Variants in MDGA2 observed in about 807,000 individuals in gnomAD.
MDGA2 encodes the protein MAM domain-containing glycosylphosphatidylinositol anchor protein 2.
In MDGA2, 40 loss-of-function variants were observed where a neutral mutation model predicts 117.8. That is an observed-to-expected ratio of 0.34 (90% CI 0.26 to 0.44). MDGA2 has a LOEUF of 0.44. MDGA2 is among the 20% of genes least tolerant of loss of function. The pLI is 1.00. For synonymous variants in MDGA2, 452 were observed against 439.0 expected, an observed-to-expected ratio of 1.03 and a Z score of -0.37; for missense variants, 1,123 against 1,250.6, an observed-to-expected ratio of 0.90 and a Z score of 1.54.
At chr14:47,284,522 A>G (rs1209807551) in intron 2 of MDGA2, among the ~76,000 whole-genome samples, 1 of 152,126 alleles carries the variant, frequency 6.6e-6, no homozygotes, top group African/African-American at 2.4e-5. Context: ...ACCCCAGCCG[A>G]AAGTTTTTGC....
At chr14:47,105,143 C>T (rs1023838195) in intron 5 of MDGA2, among the ~76,000 whole-genome samples, 34 of 152,132 alleles carry the variant, frequency 2.2e-4, no homozygotes, top group African/African-American at 8.0e-4. Flanking sequence ...CGGCAAGTCC[C>T]GCTTTCCTGG....
intron 10 of MDGA2, among the ~76,000 whole-genome samples, chr14:46,913,300 A>C (rs1883775439): frequency 6.6e-6 from 1 of 152,136 alleles, no homozygotes; most frequent in South Asian, 2.1e-4. Context: ...TTATAAGATT[A>C]ATCTATGCAA....
chr14:47,340,494 A>G lies in MDGA2; in HGVS notation c.281-38944T>C, dbSNP rs78814492. On this transcript the variant is annotated intron_variant, in intron 1 of 16. Coordinates refer to ENST00000399232, the MANE Select transcript of MDGA2 (RefSeq NM_001113498.3). Reference sequence around the variant, plus strand: ...ATAACGAGTGCCATCTAGTTATCCTACTCTGGAGAATCTATCTCAATCACA... The same window carrying G: ...ATAACGAGTGCCATCTAGTTATCCTGCTCTGGAGAATCTATCTCAATCACA... Among the ~76,000 whole-genome samples, 2,022 of 152,234 alleles carry G rather than the reference A, an allele frequency of 0.013. 58 individuals are homozygous for G. In the East Asian group the frequency reaches 0.14, roughly 10 times the overall value.
intron 1 of MDGA2, among the ~76,000 whole-genome samples, chr14:47,577,371 T>C (rs1255871849): frequency 1.3e-5 from 2 of 152,096 alleles, no homozygotes; most frequent in African/African-American, 2.4e-5. Context: ...ATTCAGGACA[T>C]AGGCACGGGC....
At chr14:47,146,330 G>T (rs1882944362) in intron 3 of MDGA2, among the ~76,000 whole-genome samples, 2 of 151,932 alleles carry the variant, frequency 1.3e-5, no homozygotes, top group South Asian at 4.2e-4. Context: ...TACCTCAAAG[G>T]CCTCTAATTT....
At chr14:47,243,484 G>A (rs574287431) in intron 2 of MDGA2, among the ~76,000 whole-genome samples, 107 of 151,642 alleles carry the variant, frequency 7.1e-4, no homozygotes, top group African/African-American at 2.2e-3. Context: ...TTGGGTCCAC[G>A]CTGCTTTTAT....
intron 7 of MDGA2, among the ~76,000 whole-genome samples, chr14:47,046,785 A>G (rs1889282094): frequency 6.6e-6 from 1 of 152,086 alleles, no homozygotes. Context: ...AAAGCCAACT[A>G]CGATTCCCAA....
intron 6 of MDGA2, among the ~76,000 whole-genome samples, chr14:47,087,320 G>A (rs1176133833): frequency 6.6e-6 from 1 of 151,702 alleles, no homozygotes; most frequent in Non-Finnish European, 1.5e-5. Context: ...TTCGAGACCA[G>A]CCTGGCTAAC....
At chr14:47,638,627 G>C (rs1897365842) in intron 1 of MDGA2, among the ~76,000 whole-genome samples, 1 of 152,080 alleles carries the variant, frequency 6.6e-6, no homozygotes, top group Non-Finnish European at 1.5e-5. Flanking sequence ...ACTCAAAACT[G>C]TTAAGCCTCT....
chr14:47,476,683 A>G (rs989719668), intron 1 of MDGA2, among the ~76,000 whole-genome samples: 1 of 152,148 alleles, frequency 6.6e-6, no homozygotes, highest in Admixed American at 6.6e-5. Context: ...ATTTTCCCTA[A>G]TTCATGTTTT....
At chr14:47,019,393 A>G (rs1040950916) in intron 8 of MDGA2, among the ~76,000 whole-genome samples, 1 of 152,120 alleles carries the variant, frequency 6.6e-6, no homozygotes, top group Non-Finnish European at 1.5e-5. Context: ...GTTCATTGTT[A>G]TTTTTGTTGT....
intron 1 of MDGA2, among the ~76,000 whole-genome samples, chr14:47,531,478 C>A (rs934780273): frequency 2.0e-5 from 3 of 152,310 alleles, no homozygotes. Context: ...CTATTTTAGG[C>A]AGCCATTAGA....
At chr14:47,521,674 T>C (rs1033773185) in intron 1 of MDGA2, among the ~76,000 whole-genome samples, 2 of 152,136 alleles carry the variant, frequency 1.3e-5, no homozygotes, top group Non-Finnish European at 2.9e-5. Flanking sequence ...CATGTTTGTT[T>C]TTTATTTTTA....
At chr14:47,274,550 A>G (rs1210194669) in intron 2 of MDGA2, among the ~76,000 whole-genome samples, 2 of 152,068 alleles carry the variant, frequency 1.3e-5, no homozygotes, top group African/African-American at 2.4e-5. Context: ...TATGTGTACA[A>G]GTTTTTGTGC....
intron 9 of MDGA2, among the ~76,000 whole-genome samples, chr14:46,952,957 G>C (rs1885421820): frequency 6.6e-6 from 1 of 151,800 alleles, no homozygotes; most frequent in Non-Finnish European, 1.5e-5. Context: ...AGATAAGCTA[G>C]GTTTTCTAGG....
intron 5 of MDGA2, among the ~76,000 whole-genome samples, chr14:47,109,437 G>A (rs975262957): frequency 6.6e-6 from 1 of 152,082 alleles, no homozygotes; most frequent in South Asian, 2.1e-4. Flanking sequence ...CCCTCATTAG[G>A]ACATTTGCCC....
intron 2 of MDGA2, among the ~76,000 whole-genome samples, chr14:47,250,280 G>T (rs931011436): frequency 6.6e-6 from 1 of 152,210 alleles, no homozygotes. Flanking sequence ...CAGACCACAT[G>T]ATACAATCCA....
intron 3 of MDGA2, among the ~76,000 whole-genome samples, chr14:47,147,959 G>C (rs944172907): frequency 1.3e-5 from 2 of 152,022 alleles, no homozygotes; most frequent in Non-Finnish European, 2.9e-5. Flanking sequence ...TCAAACCAAG[G>C]CTGATGTACT....
At chr14:47,273,500 C>G (rs1435496745) in intron 2 of MDGA2, among the ~76,000 whole-genome samples, 1 of 151,988 alleles carries the variant, frequency 6.6e-6, no homozygotes, top group African/African-American at 2.4e-5. Flanking sequence ...ATCCTTATAA[C>G]AAGAAGAAAG....
Sources: allele counts gnomAD v4.1 joint callset (sites outside exome capture counted in the v4.1 genomes callset), GRCh38; gene constraint gnomAD v4.1.1; transcripts MANE v1.5; gene names NCBI Gene and HGNC (gene_info 2026-07-23, HGNC 2026-07-21).